Variants in SAMTOR observed in about 807,000 individuals in gnomAD.
SAMTOR encodes the protein S-adenosylmethionine sensor upstream of mTORC1.
the SAMTOR span, among the ~76,000 whole-genome samples, chr7:112,938,720 C>T: frequency 6.6e-6 from 1 of 152,234 alleles, no homozygotes; most frequent in South Asian, 2.1e-4. Context: ...CAGCTGTGTA[C>T]AAAAGCCTAT....
chr7:112,864,206 A>G, the SAMTOR span, among the ~76,000 whole-genome samples: 1 of 152,288 alleles, frequency 6.6e-6, no homozygotes, highest in East Asian at 1.9e-4. Flanking sequence ...AAACATGGAC[A>G]CAGAGGGGGA....
the SAMTOR span, among the ~76,000 whole-genome samples, chr7:112,850,750 T>C: frequency 1.3e-5 from 2 of 152,246 alleles, no homozygotes; most frequent in African/African-American, 4.8e-5. Flanking sequence ...GTATCAGTTG[T>C]AATGTCACCT....
the SAMTOR span, among the ~76,000 whole-genome samples, chr7:112,907,117 A>T: frequency 6.6e-6 from 1 of 152,158 alleles, no homozygotes; most frequent in Admixed American, 6.5e-5. Context: ...TATGATTAAA[A>T]TAGTGATAGT....
chr7:112,857,373 G>A, the SAMTOR span, among the ~76,000 whole-genome samples: 1 of 147,674 alleles, frequency 6.8e-6, no homozygotes, highest in South Asian at 2.1e-4. Flanking sequence ...TTACAGGCGT[G>A]AGCCACCGCG....
chr7:112,888,766 T>G, the SAMTOR span, among the ~76,000 whole-genome samples: 5 of 152,242 alleles, frequency 3.3e-5, no homozygotes, highest in South Asian at 1.0e-3. Context: ...AACTAAAAAG[T>G]TGAATAGTTT....
the SAMTOR span, chr7:112,915,500 TTGAAA>T: frequency 1.4e-6 from 2 of 1,396,192 alleles, no homozygotes; most frequent in African/African-American, 1.5e-5. Context: ...TGTCAGACTC[TTGAAA>T]TAAGTTTTAG....
the SAMTOR span, among the ~76,000 whole-genome samples, chr7:112,924,051 C>T: frequency 3.9e-4 from 25 of 64,462 alleles, no homozygotes; most frequent in African/African-American, 6.5e-4. Context: ...TGTGGGGTGG[C>T]GGGAGGGGGG....
the SAMTOR span, among the ~76,000 whole-genome samples, chr7:112,930,412 CATGTT>C: frequency 6.6e-6 from 1 of 151,412 alleles, no homozygotes; most frequent in Admixed American, 6.6e-5. Context: ...TTATAGCCAA[CATGTT>C]ATGAATAGTC....
At chr7:112,899,638 A>G in the SAMTOR span, among the ~76,000 whole-genome samples, 49 of 152,246 alleles carry the variant, frequency 3.2e-4, no homozygotes, top group South Asian at 8.3e-4. Context: ...TCAAACTCTT[A>G]TAGGTTAAGG....
the SAMTOR span, among the ~76,000 whole-genome samples, chr7:112,900,733 C>A: frequency 6.6e-6 from 1 of 151,882 alleles, no homozygotes; most frequent in Non-Finnish European, 1.5e-5. Context: ...AATATACCTA[C>A]AAAAATATGG....
At chr7:112,914,738 G>A in the SAMTOR span, among the ~76,000 whole-genome samples, 1 of 151,964 alleles carries the variant, frequency 6.6e-6, no homozygotes, top group Non-Finnish European at 1.5e-5. Flanking sequence ...TAAATGTATT[G>A]TATGTATTAA....
At chr7:112,847,404 T>A in the SAMTOR span, among the ~76,000 whole-genome samples, 1 of 152,238 alleles carries the variant, frequency 6.6e-6, no homozygotes, top group Admixed American at 6.5e-5. Context: ...GATTACCTTT[T>A]ATTCACAGAG....
chr7:112,919,073 G>T, the SAMTOR span, among the ~76,000 whole-genome samples: 1 of 152,166 alleles, frequency 6.6e-6, no homozygotes, highest in Non-Finnish European at 1.5e-5. Flanking sequence ...TCCAGGAACT[G>T]AACTCAGCTC....
At chr7:112,914,019 CTATAA>C in the SAMTOR span, among the ~76,000 whole-genome samples, 2 of 151,826 alleles carry the variant, frequency 1.3e-5, no homozygotes, top group African/African-American at 2.4e-5. Context: ...CTCCTAGTGC[CTATAA>C]TATGACTGGT....
the SAMTOR span, among the ~76,000 whole-genome samples, chr7:112,898,277 G>C: frequency 6.6e-6 from 1 of 152,176 alleles, no homozygotes; most frequent in Non-Finnish European, 1.5e-5. Flanking sequence ...GTGCTGTGCT[G>C]GTCTCAGCAG....
chr7:112,856,136 G>A, the SAMTOR span, among the ~76,000 whole-genome samples: 1 of 152,024 alleles, frequency 6.6e-6, no homozygotes, highest in African/African-American at 2.4e-5. Context: ...TTAAATGAAT[G>A]TCATTTTGAT....
At chr7:112,865,331 G>A in the SAMTOR span, among the ~76,000 whole-genome samples, 1 of 151,922 alleles carries the variant, frequency 6.6e-6, no homozygotes, top group African/African-American at 2.4e-5. Flanking sequence ...AGGCTGGAGT[G>A]CAGTGGTGCA....
chr7:112,908,638 C>T, the SAMTOR span, among the ~76,000 whole-genome samples: 1 of 152,142 alleles, frequency 6.6e-6, no homozygotes, highest in South Asian at 2.1e-4. Context: ...ATACAACACA[C>T]TACCACCTAC....
the SAMTOR span, among the ~76,000 whole-genome samples, chr7:112,890,864 AT>A: frequency 6.6e-6 from 1 of 151,428 alleles, no homozygotes; most frequent in African/African-American, 2.4e-5. Flanking sequence ...CTTTTTTGTT[AT>A]TTTTTTGTAG....
Sources: allele counts gnomAD v4.1 joint callset (sites outside exome capture counted in the v4.1 genomes callset), GRCh38; gene constraint gnomAD v4.1.1; transcripts MANE v1.5; gene names NCBI Gene and HGNC (gene_info 2026-07-23, HGNC 2026-07-21).